PTPN1: variants seen among roughly 807,000 people sequenced by gnomAD.
The protein encoded by PTPN1 is tyrosine-protein phosphatase non-receptor type 1.
A neutral mutation model predicts 59.9 loss-of-function variants in PTPN1; 12 were observed. That is an observed-to-expected ratio of 0.20 (90% CI 0.13 to 0.32). PTPN1 has a LOEUF of 0.32. PTPN1 is among the 10% of genes least tolerant of loss of function. PTPN1 has a pLI of 1.00. For synonymous variants in PTPN1, 178 were observed against 203.6 expected, an observed-to-expected ratio of 0.87 and a Z score of 1.07; for missense variants, 356 against 549.2, an observed-to-expected ratio of 0.65 and a Z score of 3.52.
At chr20:50,524,567 G>GTTTTTTTTT (rs1386022104) in intron 1 of PTPN1, among the ~76,000 whole-genome samples, 31 of 64,094 alleles carry the variant, frequency 4.8e-4, no homozygotes, top group Admixed American at 6.2e-4. Flanking sequence ...CCATTATGTG[G>GTTTTTTTTT]TCTTTTTTTT....
At chr20:50,522,039 A>G (rs113521145) in intron 1 of PTPN1, among the ~76,000 whole-genome samples, 6 of 152,344 alleles carry the variant, frequency 3.9e-5, no homozygotes, top group African/African-American at 1.2e-4. Flanking sequence ...GGTATTTGGT[A>G]TATTATCGTT....
intron 1 of PTPN1, among the ~76,000 whole-genome samples, chr20:50,524,569 CTTTTT>C (rs764474360): frequency 7.0e-4 from 32 of 45,792 alleles, no homozygotes; most frequent in African/African-American, 2.6e-3. Context: ...ATTATGTGGT[CTTTTT>C]TTTTTTTTTT....
intron 1 of PTPN1, among the ~76,000 whole-genome samples, chr20:50,526,800 C>T (rs2082577795): frequency 2.0e-5 from 3 of 152,162 alleles, no homozygotes; most frequent in Admixed American, 2.0e-4. Flanking sequence ...TGCTGCCTCT[C>T]CACTGTACTT....
At chr20:50,512,289 A>C (rs1295880485) in intron 1 of PTPN1, among the ~76,000 whole-genome samples, 2 of 152,186 alleles carry the variant, frequency 1.3e-5, no homozygotes, top group Non-Finnish European at 2.9e-5. Context: ...TGATTATGAT[A>C]CACCCCATCA....
At chr20:50,518,506 G>A (rs978479652) in intron 1 of PTPN1, among the ~76,000 whole-genome samples, 4 of 152,182 alleles carry the variant, frequency 2.6e-5, no homozygotes, top group Admixed American at 2.0e-4. Flanking sequence ...GGGAAAATAC[G>A]CCTTCACTGA....
rs942786862 is a variant in PTPN1 at position 50,579,245 on chromosome 20, G to A, written c.780G>A (p.Leu260=). Residue 260 remains leucine, a synonymous_variant, in exon 7 of 10, where the codon CTG becomes CTA. Coordinates refer to ENST00000371621, the MANE Select transcript of PTPN1 (RefSeq NM_002827.4). ...LLEMRKFRMG[L]IQTADQLRFS... is the part of the protein sequence containing the mutation. ...AAATGAGGAAGTTTCGGATGGGGCT[G>A]ATCCAGACAGCCGACCAGCTGCGCT... 4 of 1,614,140 alleles carry A rather than the reference G, an allele frequency of 2.5e-6. No individual in the cohort carries two copies. In the African/African-American group the frequency reaches 5.3e-5, roughly 22 times the overall value.
At chr20:50,564,549 A>C (rs891672195) in intron 2 of PTPN1, among the ~76,000 whole-genome samples, 2 of 152,108 alleles carry the variant, frequency 1.3e-5, no homozygotes, top group Non-Finnish European at 2.9e-5. Context: ...AGCTGAGAAC[A>C]TGCCACTGCA....
intron 1 of PTPN1, among the ~76,000 whole-genome samples, chr20:50,547,456 C>T (rs767470101): frequency 1.7e-4 from 26 of 151,870 alleles, no homozygotes; most frequent in Non-Finnish European, 2.5e-4. Context: ...CTCTGCCTCC[C>T]GGGTTCAAGC....
chr20:50,559,809 T>C (rs1425798515), intron 1 of PTPN1, among the ~76,000 whole-genome samples: 1 of 152,114 alleles, frequency 6.6e-6, no homozygotes, highest in East Asian at 1.9e-4. Flanking sequence ...TCTGAGTATA[T>C]TAATATGTAT....
chr20:50,535,307 G>A (rs1488830849), intron 1 of PTPN1, among the ~76,000 whole-genome samples: 3 of 152,066 alleles, frequency 2.0e-5, no homozygotes, highest in Non-Finnish European at 4.4e-5. Context: ...CCAGGTCCCC[G>A]TACACCTGCA....
intron 1 of PTPN1, among the ~76,000 whole-genome samples, chr20:50,527,203 C>A (rs1409481774): frequency 6.6e-6 from 1 of 152,164 alleles, no homozygotes; most frequent in African/African-American, 2.4e-5. Context: ...CGAGACGGCC[C>A]CTCCAGCCAC....
At chr20:50,534,784 G>C (rs890281271) in intron 1 of PTPN1, among the ~76,000 whole-genome samples, 1 of 151,962 alleles carries the variant, frequency 6.6e-6, no homozygotes, top group Non-Finnish European at 1.5e-5. Context: ...GGAGTGCAGT[G>C]GTGCAATCAT....
chr20:50,561,282 G>C (rs1049408776), intron 1 of PTPN1, 81 bp from the exon 2 acceptor site: 1 of 1,072,292 alleles, frequency 9.3e-7, no homozygotes, highest in African/African-American at 1.6e-5. Flanking sequence ...CATATTGCCC[G>C]GCTCTCTTTG....
chr20:50,575,312 G>A (rs1339337765), intron 5 of PTPN1, among the ~76,000 whole-genome samples: 1 of 152,176 alleles, frequency 6.6e-6, no homozygotes, highest in Non-Finnish European at 1.5e-5. Flanking sequence ...AGTGAAGAGT[G>A]GCCAGCCACC....
intron 1 of PTPN1, among the ~76,000 whole-genome samples, chr20:50,543,150 C>A (rs558867327): frequency 6.6e-6 from 1 of 152,206 alleles, no homozygotes; most frequent in South Asian, 2.1e-4. Flanking sequence ...TAAACAGGAA[C>A]AATTTAATGT....
rs979606996 is a variant in PTPN1 at position 50,584,546 on chromosome 20, A to G, written c.*1831A>G. 1.3e-5 allele frequency: 2 copies of G among 152,292 alleles called. No homozygotes were observed. The highest frequency in any genetic ancestry group is 4.8e-5 in the African/African-American group (2 of 41,330). 9.4% of individuals were successfully genotyped at this position (152,292 alleles called of 1,614,324 possible). ...AATGGCCATGGAATAAACCATTTTT[A>G]CAAAAATAAAAACAAAAAAAGCAAG... is the stretch of plus-strand genomic sequence containing the variant. On this transcript the variant is annotated 3_prime_UTR_variant, in exon 10 of 10. Transcript: ENST00000371621.
chr20:50,515,890 A>G (rs1353008429), intron 1 of PTPN1, among the ~76,000 whole-genome samples: 1 of 152,230 alleles, frequency 6.6e-6, no homozygotes, highest in African/African-American at 2.4e-5. Context: ...ATTTTGAGTC[A>G]TGGCCTAATG....
At chr20:50,559,719 A>G (rs754062296) in intron 1 of PTPN1, among the ~76,000 whole-genome samples, 13 of 151,610 alleles carry the variant, frequency 8.6e-5, no homozygotes, top group South Asian at 2.1e-4. Context: ...CATTTTTGCT[A>G]TCTTGTTTTT....
chr20:50,533,270 G>A (rs1248422987), intron 1 of PTPN1, among the ~76,000 whole-genome samples: 1 of 152,126 alleles, frequency 6.6e-6, no homozygotes, highest in Non-Finnish European at 1.5e-5. Flanking sequence ...TGTATATCAT[G>A]TTGCAGAAAA....
Sources: allele counts gnomAD v4.1 joint callset (sites outside exome capture counted in the v4.1 genomes callset), GRCh38; gene constraint gnomAD v4.1.1; transcripts MANE v1.5; gene names NCBI Gene and HGNC (gene_info 2026-07-23, HGNC 2026-07-21).